The following OR9K2 variants were observed in gnomAD, a reference collection of about 807,000 sequenced individuals.
OR9K2 encodes the protein olfactory receptor family 9 subfamily K member 2.
In OR9K2, 16 loss-of-function variants were observed where a neutral mutation model predicts 12.4. The observed-to-expected ratio is 1.29, with a 90% CI of 0.87 to 1.95. The LOEUF (loss-of-function observed/expected upper bound fraction) is 1.95, where lower values mean the gene tolerates loss of function less well. OR9K2 is among the 30% of genes most tolerant of loss of function. The pLI, the probability that OR9K2 is intolerant of heterozygous loss-of-function variation, is 0.00. For synonymous variants in OR9K2, 133 were observed against 133.2 expected (o/e 1.00, Z 0.01); for missense variants, 434 against 376.5 (o/e 1.15, Z -1.26).
At chr12:55,128,626 C>T (rs1953444767) in intron 2 of OR9K2, among the ~76,000 whole-genome samples, 1 of 151,992 alleles carries the variant, frequency 6.6e-6, no homozygotes, top group Non-Finnish European at 1.5e-5. Context: ...AAGTGTCTGG[C>T]ACATAAAAAG....
intron 2 of OR9K2, 23 bp from the exon 3 acceptor site, chr12:55,129,802 AT>A (rs58036029): frequency 0.31 from 491,383 of 1,608,844 alleles, 77,826 homozygotes; most frequent in African/African-American, 0.4. Context: ...TCATTTGTAT[AT>A]TTTGCCCTGT....
rs749478109 is a variant in OR9K2, at chr12:55,130,534, A to G, written c.700A>G (p.Thr234Ala). ...IVSTVLKIHS[T>A]EGHKKAFSTC... is the part of the protein sequence containing the mutation. ...GTCCACAGTTCTAAAGATACATTCT[A>G]CTGAGGGACATAAGAAGGCCTTCTC... Residue 234 changes from threonine (T) to alanine (A), a missense_variant, in exon 3 of 3, where the codon ACT becomes GCT. Transcript: ENST00000641329. 8.1e-6 allele frequency: 13 copies of G among 1,613,808 alleles called. 1 individual carries two copies. In the Admixed American group the frequency reaches 2.0e-4, roughly 25 times the overall value.
chr12:55,128,040 A>T (rs1953440672), intron 2 of OR9K2, among the ~76,000 whole-genome samples: 1 of 151,960 alleles, frequency 6.6e-6, no homozygotes, highest in African/African-American at 2.4e-5. Context: ...CCACTGCAGT[A>T]TTGGATGGAT....
Position 55,131,521 on chromosome 12 carries a change from G to A in OR9K2, c.*745G>A, listed in dbSNP as rs1473706655. 6.6e-6 allele frequency: 1 copy of A among 152,084 alleles called. No homozygotes were observed. The highest frequency in any genetic ancestry group is 1.5e-5 in the Non-Finnish European group (1 of 68,004). The allele number at this position is 152,084 out of a possible 1,614,324, so 9.4% of individuals were successfully genotyped here. A position where few individuals can be genotyped will look rare whatever the true frequency, so the allele number is the denominator to read the frequency against. On this transcript the variant is annotated 3_prime_UTR_variant, in exon 3 of 3. Transcript: ENST00000641329. ...TTAATAAAGGTATAGAATCAGGGAA[G>A]TCATCAAAACGGATTATGATCCAAA...
chr12:55,129,192 G>C lies in OR9K2; in HGVS notation c.-9-634G>C, dbSNP rs1374796827. On this transcript the variant is annotated intron_variant, in intron 2 of 2. Coordinates refer to ENST00000641329, the MANE Select transcript of OR9K2 (RefSeq NM_001005243.2). ...GTGCTTTGATGGCCCATCTGGGACAGAAATTCTTGAATATGAGTAGTAATA... is the reference window on the plus strand; with the variant it reads ...GTGCTTTGATGGCCCATCTGGGACACAAATTCTTGAATATGAGTAGTAATA... Among the ~76,000 whole-genome samples the C allele has an allele frequency of 1.6e-4, 25 of 152,152 alleles. 1 individual carries two copies. Among genetic ancestry groups the C allele is most frequent in the Non-Finnish European group, 1.5e-5 (1 of 68,014 alleles).
At chr12:55,128,231 T>G (rs1338143470) in intron 2 of OR9K2, among the ~76,000 whole-genome samples, 1 of 151,766 alleles carries the variant, frequency 6.6e-6, no homozygotes, top group Non-Finnish European at 1.5e-5. Flanking sequence ...AACCTCAATA[T>G]TAAAATATGG....
In OR9K2 at chr12:55,132,092, C is replaced by T. The variant is rs2136279587; in HGVS notation, c.*1316C>T. On this transcript the variant is annotated 3_prime_UTR_variant, in exon 3 of 3. Transcript: ENST00000641329. The stretch of plus-strand genomic sequence containing the variant: ...TGAAATAAAGGGGGAACTTTCTTGC[C>T]TTGATGAACATGTATGAAAAACCTA... 6.6e-6 allele frequency: 1 copy of T among 152,230 alleles called. No individual in the cohort carries two copies. The highest frequency in any genetic ancestry group is 2.1e-4 in the South Asian group (1 of 4,820). The allele number at this position is 152,230 out of a possible 1,614,324, so 9.4% of individuals were successfully genotyped here.
chr12:55,127,380 T>C (rs1258861559), intron 2 of OR9K2, among the ~76,000 whole-genome samples: 1 of 151,868 alleles, frequency 6.6e-6, no homozygotes, highest in Non-Finnish European at 1.5e-5. Context: ...ATAAATTATA[T>C]ATATTATTTT....
chr12:55,129,933 A>C lies in OR9K2; in HGVS notation c.99A>C (p.Leu33=). 1 of 1,613,936 alleles carries C rather than the reference A, an allele frequency of 6.2e-7. No homozygotes were observed. The highest frequency in any genetic ancestry group is 8.5e-7 in the Non-Finnish European group (1 of 1,179,924). The change falls in exon 3 of 3, where the codon CTA becomes CTC. Residue 33 remains leucine, a synonymous_variant. Coordinates refer to ENST00000641329, the MANE Select transcript of OR9K2 (RefSeq NM_001005243.2). The stretch of plus-strand genomic sequence containing the variant: ...AGCTCCACATTCTCCTCTTCCTGCT[A>C]TTTTTGTTTGTTTATGCCATGATCC... ...RPELHILLFL[L]FLFVYAMILL... is the part of the protein sequence containing the mutation.
In OR9K2 at chr12:55,130,850, C is replaced by A; in HGVS notation, c.*74C>A. 2 of 842,388 alleles carry A rather than the reference C, an allele frequency of 2.4e-6. No individual in the cohort carries two copies. Among genetic ancestry groups the A allele is most frequent in the Non-Finnish European group, 3.6e-6 (2 of 550,366 alleles). 52.2% of individuals were successfully genotyped at this position (842,388 alleles called of 1,614,324 possible). On this transcript the variant is annotated 3_prime_UTR_variant, in exon 3 of 3. Coordinates refer to ENST00000641329, the MANE Select transcript of OR9K2 (RefSeq NM_001005243.2). ...CCTGTGTTCATTAATAAAAGTTACTCTCCCGAATGTCATAAAAATACTCTT... is the reference window on the plus strand; with the variant it reads ...CCTGTGTTCATTAATAAAAGTTACTATCCCGAATGTCATAAAAATACTCTT...
chr12:55,128,138 C>T (rs1953441265), intron 2 of OR9K2, among the ~76,000 whole-genome samples: 1 of 151,826 alleles, frequency 6.6e-6, no homozygotes, highest in Non-Finnish European at 1.5e-5. Flanking sequence ...ATTTACCAGA[C>T]ACATAACGTT....
At position 55,131,042 on chromosome 12, in the gene OR9K2, C is replaced by A. The variant is rs997406591; in HGVS notation, c.*266C>A. ...ACATTTTATTTCACAGAATTTATATCTATTGATTCTTGTGGCATAATGTAG... is the reference window on the plus strand; with the variant it reads ...ACATTTTATTTCACAGAATTTATATATATTGATTCTTGTGGCATAATGTAG... On this transcript the variant is annotated 3_prime_UTR_variant, in exon 3 of 3. Transcript: ENST00000641329. 3 of 287,066 alleles carry A rather than the reference C, an allele frequency of 1.0e-5. No individual in the cohort carries two copies. The highest frequency in any genetic ancestry group is 1.3e-5 in the Non-Finnish European group (2 of 153,520). The allele number at this position is 287,066 out of a possible 1,614,324, so 17.8% of individuals were successfully genotyped here.
At chr12:55,128,137 A>T (rs1035829007) in intron 2 of OR9K2, among the ~76,000 whole-genome samples, 2 of 151,916 alleles carry the variant, frequency 1.3e-5, no homozygotes, top group Non-Finnish European at 2.9e-5. Flanking sequence ...CATTTACCAG[A>T]CACATAACGT....
Position 55,129,818 on chromosome 12 carries a change from C to T in OR9K2, c.-9-8C>T. The T allele has an allele frequency of 6.2e-7, 1 of 1,612,892 alleles. No individual in the cohort carries two copies. Among genetic ancestry groups the T allele is most frequent in the Non-Finnish European group, 8.5e-7 (1 of 1,178,990 alleles). On this transcript the variant is annotated splice_polypyrimidine_tract_variant and splice_region_variant and intron_variant, in intron 2 of 2. Coordinates refer to ENST00000641329, the MANE Select transcript of OR9K2 (RefSeq NM_001005243.2). Reference sequence around the variant, plus strand: ...CATTTGTATATTTTGCCCTGTGCCTCTCAACAGGTTTCTACCATGGGTGAC... The same window carrying T: ...CATTTGTATATTTTGCCCTGTGCCTTTCAACAGGTTTCTACCATGGGTGAC...
chr12:55,130,020 G>T lies in OR9K2; in HGVS notation c.186G>T (p.Met62Ile), dbSNP rs568585391. 4.3e-6 allele frequency: 7 copies of T among 1,613,448 alleles called. No homozygotes were observed. In the African/African-American group the frequency reaches 9.3e-5, roughly 22 times the overall value. Residue 62 changes from methionine to isoleucine, a missense_variant, in exon 3 of 3, where the codon ATG (methionine) becomes ATT (isoleucine). By Grantham distance (10) the Met-to-Ile change is conservative. Transcript: ENST00000641329. ...CTGATCCTCGGCTGAACACACCAAT[G>T]TATTTTTTCCTAGGCAATCTCTCCT... Reference protein sequence around the residue: ...IMTDPRLNTPMYFFLGNLSFI... With the variant: ...IMTDPRLNTPIYFFLGNLSFI...
In OR9K2 at chr12:55,129,808, C is replaced by A; in HGVS notation, c.-9-18C>A. ...ACCAAGAGTTCATTTGTATATTTTG[C>A]CCTGTGCCTCTCAACAGGTTTCTAC... On this transcript the variant is annotated intron_variant, in intron 2 of 2. Coordinates refer to ENST00000641329, the MANE Select transcript of OR9K2 (RefSeq NM_001005243.2). The A allele has an allele frequency of 6.2e-7, 1 of 1,611,696 alleles. No individual in the cohort carries two copies. Among genetic ancestry groups the A allele is most frequent in the Non-Finnish European group, 8.5e-7 (1 of 1,178,012 alleles).
At position 55,130,750 on chromosome 12, in the gene OR9K2, C is replaced by G. The variant is rs200967865; in HGVS notation, c.916C>G (p.Leu306Val). 1 of 1,562,990 alleles carries G rather than the reference C, an allele frequency of 6.4e-7. No individual in the cohort carries two copies. Among genetic ancestry groups the G allele is most frequent in the African/African-American group, 1.4e-5 (1 of 72,836 alleles). Residue 306 changes from leucine to valine, a missense_variant, in exon 3 of 3, where the codon CTA becomes GTA. Transcript: ENST00000641329. ...KDVQEALKKF[L>V]EKKNIIL ...TGTCCAAGAGGCTCTAAAAAAATTTCTAGAGAAGAAAAATATTATTCTTTG... is the reference window on the plus strand; with the variant it reads ...TGTCCAAGAGGCTCTAAAAAAATTTGTAGAGAAGAAAAATATTATTCTTTG...
intron 2 of OR9K2, 82 bp from the exon 3 acceptor site, chr12:55,129,744 C>T: frequency 6.5e-7 from 1 of 1,530,474 alleles, no homozygotes; most frequent in Non-Finnish European, 9.0e-7. Context: ...TTTGTAAATC[C>T]TAATACCATA....
rs1953468114 is a variant in OR9K2, at chr12:55,130,834, A to G, written c.*58A>G. ...CTATTTATTTAATACACCTGTGTTC[A>G]TTAATAAAAGTTACTCTCCCGAATG... On this transcript the variant is annotated 3_prime_UTR_variant, in exon 3 of 3. Coordinates refer to ENST00000641329, the MANE Select transcript of OR9K2 (RefSeq NM_001005243.2). 1 of 966,696 alleles carries G rather than the reference A, an allele frequency of 1.0e-6. No homozygotes were observed. Among genetic ancestry groups the G allele is most frequent in the Non-Finnish European group, 1.5e-6 (1 of 653,720 alleles). 59.9% of individuals were successfully genotyped at this position (966,696 alleles called of 1,614,324 possible).
Sources: gnomAD v4.1 joint callset for allele counts (sites outside exome capture counted in the v4.1 genomes callset) on GRCh38, gnomAD v4.1.1 for gene constraint, MANE v1.5 for transcripts, NCBI Gene and HGNC (gene_info 2026-07-23, HGNC 2026-07-21) for gene names.